The following FAT3 variants were observed in gnomAD, a reference collection of about 807,000 sequenced individuals.
FAT3 encodes FAT atypical cadherin 3.
Under a neutral mutation model 310.2 loss-of-function variants are expected in FAT3, and 95 were observed. The observed-to-expected ratio is 0.31, with a 90% CI of 0.26 to 0.36. FAT3 has a LOEUF of 0.36. Ranked by LOEUF, FAT3 falls within the 10% of genes least tolerant of loss-of-function variation. The probability of loss-of-function intolerance (pLI) is 1.00; values close to 1 mark genes in which losing one functional copy is unlikely to be tolerated. For synonymous variants in FAT3, 2,314 were observed against 2,192.9 expected (o/e 1.06, Z -1.54); for missense variants, 5,408 against 5,715.6 (o/e 0.95, Z 1.74).
intron 4 of FAT3, among the ~76,000 whole-genome samples, chr11:92,750,316 A>G (rs1367273507): frequency 6.6e-6 from 1 of 152,178 alleles, no homozygotes; most frequent in Non-Finnish European, 1.5e-5. Flanking sequence ...GAAGGTGCAG[A>G]GTACTATGGA....
chr11:92,812,888 T>G (rs1309819215), intron 13 of FAT3, among the ~76,000 whole-genome samples: 2 of 152,148 alleles, frequency 1.3e-5, no homozygotes, highest in African/African-American at 4.8e-5. Context: ...ATAATCCCCA[T>G]GTGTCGTGGG....
At position 92,791,996 on chromosome 11, in the gene FAT3, C is replaced by T. The variant is rs538900803; in HGVS notation, c.4612-771C>T. Among the ~76,000 whole-genome samples the T allele has an allele frequency of 1.1e-4, 16 of 152,216 alleles. 1 individual carries two copies. The South Asian group carries it at 2.9e-3, about 28-fold the overall frequency. On this transcript the variant is annotated intron_variant, in intron 8 of 27. Coordinates refer to ENST00000525166, the MANE Select transcript of FAT3 (RefSeq NM_001367949.2). ...AAGAAATTAAGATTTGATTCATATT[C>T]CCGATGGTCAGGGTTCTCTCAGCTC...
intron 1 of FAT3, among the ~76,000 whole-genome samples, chr11:92,315,228 C>T (rs1461879552): frequency 6.7e-6 from 1 of 149,546 alleles, no homozygotes; most frequent in African/African-American, 2.5e-5. Flanking sequence ...AAAACAGTGC[C>T]TACTAGATCC....
chr11:92,530,483 A>G (rs951841323), intron 3 of FAT3, among the ~76,000 whole-genome samples: 1 of 152,112 alleles, frequency 6.6e-6, no homozygotes, highest in Admixed American at 6.6e-5. Context: ...ATCAACTCCC[A>G]TATCCTTACT....
At chr11:92,841,849 A>C (rs1360592259) in intron 18 of FAT3, among the ~76,000 whole-genome samples, 3 of 152,118 alleles carry the variant, frequency 2.0e-5, no homozygotes, top group Non-Finnish European at 4.4e-5. Context: ...CAGCCCCTTC[A>C]TCATGCTACT....
At position 92,801,597 on chromosome 11, in the gene FAT3, G is replaced by A; in HGVS notation, c.8584G>A (p.Val2862Ile). ...CCACTCGGATTCCCAGCCCGAAAAG[G>A]TAATGGAAGCATTCAATATTGACAG... is the stretch of plus-strand genomic sequence containing the variant. Reference protein sequence around the residue: ...SLHSDSQPEKVMEAFNIDSNT... With the variant: ...SLHSDSQPEKIMEAFNIDSNT... Residue 2862 changes from valine (V) to isoleucine (I), a missense_variant, in exon 10 of 28, where the codon GTA becomes ATA. Around this residue, in one of 5 missense-constraint regions of FAT3, gnomAD observed 4,588 missense variants for 4,809.8 expected, o/e 0.95. Coordinates refer to ENST00000525166, the MANE Select transcript of FAT3 (RefSeq NM_001367949.2). The A allele has an allele frequency of 3.1e-6, 5 of 1,612,632 alleles. No homozygotes were observed. The highest frequency in any genetic ancestry group is 4.2e-6 in the Non-Finnish European group (5 of 1,179,286).
In FAT3 at chr11:92,257,669, G is replaced by A. The variant is rs80020230; in HGVS notation, c.-18+32495G>A. ...AGGCAAGGGGAAGACATGTGGAAGA[G>A]AAGAAATCAGACTGATGCATGATTG... On this transcript the variant is annotated intron_variant, in intron 1 of 27. Coordinates refer to ENST00000525166, the MANE Select transcript of FAT3 (RefSeq NM_001367949.2). Among the ~76,000 whole-genome samples, 580 of 152,234 alleles carry A rather than the reference G, an allele frequency of 3.8e-3. 4 individuals are homozygous for A. The highest frequency in any genetic ancestry group is 0.013 in the African/African-American group (556 of 41,550).
chr11:92,354,579 G>A lies in FAT3; in HGVS notation c.2467G>A (p.Asp823Asn). The A allele has an allele frequency of 6.2e-7, 1 of 1,613,832 alleles. No individual in the cohort carries two copies. Among genetic ancestry groups the A allele is most frequent in the South Asian group, 1.1e-5 (1 of 91,074 alleles). Residue 823 changes from aspartate (D) to asparagine (N), a missense_variant, in exon 2 of 28, where the codon GAT (aspartate) becomes AAT (asparagine). Physicochemically the swap from Asp to Asn is conservative, Grantham distance 23. Transcript: ENST00000525166. ...SWRLLTINVEDANDNSPVFIQ... is the reference protein window; with the variant it reads ...SWRLLTINVENANDNSPVFIQ... The stretch of plus-strand genomic sequence containing the variant: ...GAGACTGCTGACCATCAATGTGGAG[G>A]ATGCTAATGACAATAGCCCAGTTTT...
intron 20 of FAT3, among the ~76,000 whole-genome samples, chr11:92,858,808 G>A (rs1949048047): frequency 6.6e-6 from 1 of 152,182 alleles, no homozygotes; most frequent in African/African-American, 2.4e-5. Flanking sequence ...GTGATTGGGG[G>A]TTGGGGGAGG....
intron 4 of FAT3, among the ~76,000 whole-genome samples, chr11:92,759,392 A>G (rs1476590146): frequency 3.3e-5 from 5 of 152,152 alleles, no homozygotes; most frequent in Non-Finnish European, 7.3e-5. Context: ...TAATTTCCAC[A>G]ATGGTAAGTG....
chr11:92,402,313 T>C (rs1172775349), intron 2 of FAT3, among the ~76,000 whole-genome samples: 1 of 151,756 alleles, frequency 6.6e-6, no homozygotes, highest in Non-Finnish European at 1.5e-5. Context: ...CAAGAAAGGA[T>C]GGGGAAAAAA....
At position 92,306,706 on chromosome 11, in the gene FAT3, A is replaced by G. The variant is rs559750213; in HGVS notation, c.-17-45390A>G. Among the ~76,000 whole-genome samples the G allele has an allele frequency of 3.8e-3, 472 of 123,358 alleles. 4 individuals are homozygous for G. The highest frequency in any genetic ancestry group is 0.014 in the African/African-American group (447 of 33,026). The allele number at this position is 123,358 out of a possible 152,430, so 80.9% of individuals were successfully genotyped here. On this transcript the variant is annotated intron_variant, in intron 1 of 27. Transcript: ENST00000525166. ...GAAGAGCCTTGGAAGAGGCTCATAA[A>G]TATATATATTTATATATTATATATA...
intron 1 of FAT3, among the ~76,000 whole-genome samples, chr11:92,262,081 C>A (rs1175029509): frequency 6.6e-6 from 1 of 151,788 alleles, no homozygotes; most frequent in Admixed American, 6.6e-5. Context: ...TTAGAAGAGG[C>A]TACCATATTA....
At chr11:92,242,504 C>G (rs1434540574) in intron 1 of FAT3, among the ~76,000 whole-genome samples, 1 of 151,852 alleles carries the variant, frequency 6.6e-6, no homozygotes, top group Non-Finnish European at 1.5e-5. Context: ...TCTTCACTGA[C>G]TCATAAATGT....
chr11:92,863,777 T>C (rs1226961152), intron 21 of FAT3, among the ~76,000 whole-genome samples: 1 of 152,214 alleles, frequency 6.6e-6, no homozygotes, highest in African/African-American at 2.4e-5. Context: ...CAGAATATAT[T>C]TTCCAGTATA....
intron 2 of FAT3, among the ~76,000 whole-genome samples, chr11:92,380,024 C>T (rs1949449154): frequency 6.6e-6 from 1 of 151,580 alleles, no homozygotes; most frequent in Non-Finnish European, 1.5e-5. Context: ...GGATAGTTCT[C>T]TTGCTTGATG....
chr11:92,237,758 C>CAATG lies in FAT3; in HGVS notation c.-18+12594_-18+12597dup, dbSNP rs144818349. 6.7e-4 allele frequency among the ~76,000 whole-genome samples: 102 copies of CAATG among 152,130 alleles called. No homozygotes were observed. In the East Asian group the frequency reaches 0.014, roughly 20 times the overall value. Reference sequence around the variant, plus strand: ...AAAAAATACTCAGTGAATACTGGTCCAATGAATGAATGAGATATTGTAGAT... The same window carrying CAATG: ...AAAAAATACTCAGTGAATACTGGTCCAATGAATGAATGAATGAGATATTGTAGAT... On this transcript the variant is annotated intron_variant, in intron 1 of 27. Coordinates refer to ENST00000525166, the MANE Select transcript of FAT3 (RefSeq NM_001367949.2).
intron 2 of FAT3, among the ~76,000 whole-genome samples, chr11:92,370,472 TC>T (rs755599736): frequency 2.0e-4 from 30 of 152,270 alleles, no homozygotes; most frequent in Non-Finnish European, 3.1e-4. Context: ...CACACATCTC[TC>T]CCCGATACTG....
chr11:92,450,184 C>T (rs1353909989), intron 2 of FAT3, among the ~76,000 whole-genome samples: 1 of 152,174 alleles, frequency 6.6e-6, no homozygotes, highest in African/African-American at 2.4e-5. Context: ...TCATTCATTG[C>T]CTTCAGGCCC....
Sources: allele counts gnomAD v4.1 joint callset (sites outside exome capture counted in the v4.1 genomes callset), GRCh38; gene constraint gnomAD v4.1.1; regional missense constraint gnomAD v4.1.1; transcripts MANE v1.5; gene names NCBI Gene and HGNC (gene_info 2026-07-23, HGNC 2026-07-21).